ADGRD2: variants seen among roughly 807,000 people sequenced by gnomAD.
ADGRD2 encodes adhesion G protein-coupled receptor D2.
ADGRD2 carries 71 observed loss-of-function variants against 44.4 expected under a neutral mutation model. The ratio of observed to expected loss-of-function variants is 1.60; its 90% CI spans 1.32 to 1.95. The LOEUF (loss-of-function observed/expected upper bound fraction) is 1.95, where lower values mean the gene tolerates loss of function less well. ADGRD2 is among the 30% of genes most tolerant of loss of function. ADGRD2 has a pLI of 0.00. For missense variants in ADGRD2, 1,039 were observed against 512.4 expected (o/e 2.03, Z -9.92); for synonymous variants, 481 against 224.8 (o/e 2.14, Z -10.19).
intron 10 of ADGRD2, among the ~76,000 whole-genome samples, chr9:124,464,305 A>G (rs532306022): frequency 1.3e-3 from 195 of 152,280 alleles, no homozygotes; most frequent in African/African-American, 4.4e-3. Context: ...ATTTTGGTGC[A>G]TTTTACTTAA....
At chr9:124,455,121 C>G (rs1588600276) in exon 6 of ADGRD2, 2 of 701,812 alleles carry the variant, frequency 2.8e-6, no homozygotes, top group Non-Finnish European at 5.4e-6. Context: ...GGCTCTCCCT[C>G]CGTGAAGTGA....
At chr9:124,466,137 G>A (rs75722551) in intron 10 of ADGRD2, 121 bp from the exon 14 acceptor site, 12,198 of 464,932 alleles carry the variant, frequency 0.026, 1,166 homozygotes, top group East Asian at 0.25. Context: ...AGGAAGGGGC[G>A]GTGACTCGCC....
chr9:124,474,764 C>T (rs1832013786), intron 17 of ADGRD2, among the ~76,000 whole-genome samples: 2 of 152,210 alleles, frequency 1.3e-5, no homozygotes, highest in South Asian at 4.1e-4. Context: ...CTCCTGGTCC[C>T]TCTCCATCAA....
intron 21 of ADGRD2, chr9:124,476,966 T>G: frequency 1.5e-6 from 1 of 687,470 alleles, no homozygotes. Context: ...GAGCACAACC[T>G]GCCTCCCTCT....
chr9:124,462,813 A>G (rs1831745186), intron 10 of ADGRD2, among the ~76,000 whole-genome samples: 1 of 152,212 alleles, frequency 6.6e-6, no homozygotes, highest in Non-Finnish European at 1.5e-5. Context: ...AGGATTTTCT[A>G]CACACTTGCT....
Position 124,454,378 on chromosome 9 carries a change from T to C in ADGRD2, c.1023-106T>C. On this transcript the variant is annotated intron_variant, in intron 4 of 21. Transcript: ENST00000334810. This position sits in a 1 kb window ranked among gnomAD's most constrained non-coding sequence, Gnocchi z 4.5. ...TCTGGACACACAGCCATCAAGGTGC[T>C]CTTCCTTCCCTGGGCAGCACGTGGT... The C allele has an allele frequency of 1.6e-6, 1 of 638,346 alleles. No individual in the cohort carries two copies. Among genetic ancestry groups the C allele is most frequent in the South Asian group, 1.7e-5 (1 of 57,748 alleles). 39.5% of individuals were successfully genotyped at this position (638,346 alleles called of 1,614,324 possible).
At chr9:124,474,853 G>A (rs966224969) in intron 17 of ADGRD2, among the ~76,000 whole-genome samples, 3 of 152,198 alleles carry the variant, frequency 2.0e-5, no homozygotes, top group Non-Finnish European at 4.4e-5. Context: ...GTGCAGGGAG[G>A]GTGGTGAGGC....
chr9:124,478,208 G>A (rs1017735162), intron 21 of ADGRD2, 73 bp from the exon 25 acceptor site: 3 of 152,564 alleles, frequency 2.0e-5, no homozygotes, highest in African/African-American at 7.2e-5. Context: ...TCAGTTCCCA[G>A]AGCCCTTCCA....
chr9:124,461,436 T>C (rs1354987131), intron 10 of ADGRD2, among the ~76,000 whole-genome samples: 1 of 152,268 alleles, frequency 6.6e-6, no homozygotes, highest in Non-Finnish European at 1.5e-5. Flanking sequence ...GTGTATGATG[T>C]ATTTCAACTT....
chr9:124,460,374 G>GTGTATA (rs1554718948), intron 10 of ADGRD2, among the ~76,000 whole-genome samples: 1 of 80,272 alleles, frequency 1.2e-5, no homozygotes, highest in African/African-American at 5.7e-5. Flanking sequence ...AGCTAATTTT[G>GTGTATA]TATATATATA....
At chr9:124,462,685 A>C (rs1215095104) in intron 10 of ADGRD2, among the ~76,000 whole-genome samples, 1 of 152,184 alleles carries the variant, frequency 6.6e-6, no homozygotes, top group Non-Finnish European at 1.5e-5. Context: ...TTGTTTTCTT[A>C]ATTTTAAACT....
At position 124,453,784 on chromosome 9, in the gene ADGRD2, C is replaced by T. The variant is rs947838607; in HGVS notation, c.923+108C>T. ...ACCAAGCCACGCCTAGCTCTGGCCACGCCCTCTCCAGGCCGCAGTGCCTGC... is the reference window on the plus strand; with the variant it reads ...ACCAAGCCACGCCTAGCTCTGGCCATGCCCTCTCCAGGCCGCAGTGCCTGC... On this transcript the variant is annotated intron_variant, in intron 3 of 21. Coordinates refer to ENST00000334810, the Ensembl canonical transcript of ADGRD2. 43 of 624,938 alleles carry T rather than the reference C, an allele frequency of 6.9e-5. No individual in the cohort carries two copies. In the African/African-American group the frequency reaches 7.8e-4, roughly 11 times the overall value. 38.7% of individuals were successfully genotyped at this position (624,938 alleles called of 1,614,324 possible).
intron 6 of ADGRD2, 40 bp downstream of exon 9, chr9:124,455,167 A>G (rs1324115990): frequency 4.6e-6 from 3 of 649,796 alleles, no homozygotes; most frequent in Non-Finnish European, 8.6e-6. Flanking sequence ...GGCCTGGGCT[A>G]TGGTTCCAGC....
At position 124,469,720 on chromosome 9, in the gene ADGRD2, G is replaced by A. The variant is rs116074828; in HGVS notation, c.2637+173G>A. On this transcript the variant is annotated intron_variant, in intron 16 of 21. Transcript: ENST00000334810. Reference sequence around the variant, plus strand: ...GGTACACACGTGTCCCTGCATCTGTGTCACACATGCTTGGGCATGTCAACA... The same window carrying A: ...GGTACACACGTGTCCCTGCATCTGTATCACACATGCTTGGGCATGTCAACA... 6.2e-3 allele frequency among the ~76,000 whole-genome samples: 950 copies of A among 152,384 alleles called. 9 individuals carry two copies. Among genetic ancestry groups the A allele is most frequent in the African/African-American group, 0.022 (925 of 41,592 alleles).
At position 124,454,387 on chromosome 9, in the gene ADGRD2, C is replaced by T. The variant is rs1279617846; in HGVS notation, c.1023-97C>T. The stretch of plus-strand genomic sequence containing the variant: ...ACAGCCATCAAGGTGCTCTTCCTTC[C>T]CTGGGCAGCACGTGGTGGGTGGAGG... On this transcript the variant is annotated intron_variant, in intron 4 of 21. Transcript: ENST00000334810. The surrounding 1 kb of genome is among the most constrained non-coding windows in gnomAD (Gnocchi z 4.5). 9 of 651,618 alleles carry T rather than the reference C, an allele frequency of 1.4e-5. No homozygotes were observed. The highest frequency in any genetic ancestry group is 2.6e-5 in the Non-Finnish European group (9 of 349,622). The allele number at this position is 651,618 out of a possible 1,614,324, so 40.4% of individuals were successfully genotyped here. A position where few individuals can be genotyped will look rare whatever the true frequency, so the allele number is the denominator to read the frequency against.
intron 21 of ADGRD2, chr9:124,477,072 C>G (rs1209285590): frequency 1.9e-6 from 1 of 536,556 alleles, no homozygotes; most frequent in South Asian, 1.5e-5. Context: ...CCCAGCACCC[C>G]CCGTCACCCT....
chr9:124,453,505 G>A (rs758045979), exon 3 of ADGRD2: 1 of 701,202 alleles, frequency 1.4e-6, no homozygotes, highest in Admixed American at 2.0e-5. Context: ...CGCCCTCAGC[G>A]GCAACCTCAC....
intron 19 of ADGRD2, among the ~76,000 whole-genome samples, chr9:124,476,140 G>A (rs1832045759): frequency 6.6e-6 from 1 of 152,156 alleles, no homozygotes; most frequent in South Asian, 2.1e-4. Flanking sequence ...GAATGACTTC[G>A]AGGTCAGGCC....
intron 10 of ADGRD2, among the ~76,000 whole-genome samples, chr9:124,461,782 C>G (rs929906628): frequency 1.3e-5 from 2 of 151,698 alleles, no homozygotes; most frequent in Admixed American, 1.3e-4. Flanking sequence ...GAGTCTCACT[C>G]TGTCACCCAG....
Sources: allele counts gnomAD v4.1 joint callset (sites outside exome capture counted in the v4.1 genomes callset), GRCh38; gene constraint gnomAD v4.1.1; non-coding constraint Gnocchi (gnomAD v3.1); transcripts MANE v1.5; gene names NCBI Gene and HGNC (gene_info 2026-07-23, HGNC 2026-07-21).